The following SDR16C5 variants were observed in gnomAD, a reference collection of about 807,000 sequenced individuals.
SDR16C5 encodes the protein short chain dehydrogenase/reductase family 16C member 5.
In SDR16C5, 20 loss-of-function variants were observed where a neutral mutation model predicts 27.7. The observed-to-expected ratio is 0.72, with a 90% CI of 0.51 to 1.05. The LOEUF is 1.05. SDR16C5 is among the 50% of genes least tolerant of loss of function. The pLI is 0.00. For missense variants in SDR16C5, 374 were observed against 366.3 expected (o/e 1.02, Z -0.17); for synonymous variants, 139 against 132.3 (o/e 1.05, Z -0.35).
chr8:56,301,832 C>T (rs1487127168), intron 6 of SDR16C5, among the ~76,000 whole-genome samples: 1 of 152,188 alleles, frequency 6.6e-6, no homozygotes, highest in East Asian at 1.9e-4. Flanking sequence ...AGCATCACTC[C>T]ACTGTACAAT....
intron 1 of SDR16C5, among the ~76,000 whole-genome samples, chr8:56,318,861 G>A (rs1345384788): frequency 6.6e-6 from 1 of 152,074 alleles, no homozygotes; most frequent in Non-Finnish European, 1.5e-5. Flanking sequence ...GGTGCCTGCT[G>A]GGTACCCACA....
Position 56,306,654 on chromosome 8 carries a change from T to A in SDR16C5, c.710+22A>T, listed in dbSNP as rs191230597. 2.6e-5 allele frequency: 41 copies of A among 1,554,520 alleles called. No homozygotes were observed. The Admixed American group carries it at 8.5e-4, about 32-fold the overall frequency. ...AACATTTTTAAGAGTGTAGATTCTT[T>A]GAAATTAAAGGACATACTTACCCTG... On this transcript the variant is annotated intron_variant, in intron 5 of 6. Transcript: ENST00000303749.
chr8:56,300,225 T>C lies in SDR16C5; in HGVS notation c.*1255A>G, dbSNP rs1814716717. The stretch of plus-strand genomic sequence containing the variant: ...ATGGAAAGGAAATACAGATCAGGGC[T>C]GTCATGTTCGTGCAGGCCACTCAAG... On this transcript the variant is annotated 3_prime_UTR_variant, in exon 7 of 7. Transcript: ENST00000303749. 1 of 152,112 alleles carries C rather than the reference T, an allele frequency of 6.6e-6. No homozygotes were observed. The highest frequency in any genetic ancestry group is 1.5e-5 in the Non-Finnish European group (1 of 68,048). The allele number at this position is 152,112 out of a possible 1,614,324, so 9.4% of individuals were successfully genotyped here.
intron 1 of SDR16C5, among the ~76,000 whole-genome samples, chr8:56,319,191 G>T (rs570857425): frequency 6.6e-6 from 1 of 151,200 alleles, no homozygotes; most frequent in Non-Finnish European, 1.5e-5. Flanking sequence ...GTTGGGGAGG[G>T]GGTGCAAGAG....
chr8:56,301,598 T>C, intron 6 of SDR16C5, 25 bp from the exon 7 acceptor site: 1 of 1,529,602 alleles, frequency 6.5e-7, no homozygotes, highest in Admixed American at 1.7e-5. Flanking sequence ...AGAATAAACT[T>C]TCTTTATTAT....
At chr8:56,302,719 G>A (rs1814788603) in intron 6 of SDR16C5, among the ~76,000 whole-genome samples, 1 of 151,852 alleles carries the variant, frequency 6.6e-6, no homozygotes, top group Non-Finnish European at 1.5e-5. Context: ...GGTGGCTCAT[G>A]CTTGTAATCC....
intron 1 of SDR16C5, among the ~76,000 whole-genome samples, chr8:56,319,485 A>C (rs1815279160): frequency 6.6e-6 from 1 of 152,188 alleles, no homozygotes; most frequent in Non-Finnish European, 1.5e-5. Flanking sequence ...AATGTTACGG[A>C]GCGTATACAA....
intron 5 of SDR16C5, 87 bp downstream of exon 5, chr8:56,306,589 T>C: frequency 1.6e-6 from 2 of 1,236,726 alleles, no homozygotes; most frequent in South Asian, 1.6e-5. Flanking sequence ...GAACAATATA[T>C]TTTAAACAAC....
chr8:56,316,495 G>T (rs1416940815), intron 1 of SDR16C5, 134 bp from the exon 2 acceptor site: 30 of 628,120 alleles, frequency 4.8e-5, no homozygotes, highest in Non-Finnish European at 7.5e-5. Flanking sequence ...CCTGGTAGCA[G>T]ACTCTGTATT....
intron 6 of SDR16C5, chr8:56,303,934 A>C: frequency 1.4e-6 from 1 of 702,374 alleles, no homozygotes; most frequent in Non-Finnish European, 2.6e-6. Context: ...GAAGAAGCCA[A>C]GACCTGGAGA....
At chr8:56,314,371 T>A (rs1217697285) in intron 2 of SDR16C5, among the ~76,000 whole-genome samples, 1 of 152,136 alleles carries the variant, frequency 6.6e-6, no homozygotes, top group Non-Finnish European at 1.5e-5. Flanking sequence ...GCTAGTAATA[T>A]GACATGTTTG....
chr8:56,316,493 CAG>C (rs1475821527), intron 1 of SDR16C5, 132 bp from the exon 2 acceptor site: 2 of 630,276 alleles, frequency 3.2e-6, no homozygotes, highest in Non-Finnish European at 5.5e-6. Flanking sequence ...CTCCTGGTAG[CAG>C]ACTCTGTATT....
intron 2 of SDR16C5, among the ~76,000 whole-genome samples, chr8:56,313,852 C>T (rs555441854): frequency 2.0e-4 from 31 of 152,284 alleles, no homozygotes; most frequent in East Asian, 1.2e-3. Context: ...AGAGACAAAA[C>T]GCTGTCATAT....
chr8:56,312,046 G>T, intron 3 of SDR16C5, 111 bp downstream of exon 3: 2 of 904,978 alleles, frequency 2.2e-6, no homozygotes, highest in Non-Finnish European at 1.7e-6. Context: ...GTCCAAAACT[G>T]AGAAGTCTCT....
chr8:56,310,957 C>T (rs1465725805), intron 3 of SDR16C5, among the ~76,000 whole-genome samples: 2 of 152,186 alleles, frequency 1.3e-5, no homozygotes, highest in Non-Finnish European at 2.9e-5. Flanking sequence ...AGCACCATTA[C>T]ATTTTTGGTG....
Position 56,312,281 on chromosome 8 carries a change from T to C in SDR16C5, c.341A>G (p.Lys114Arg). ...GVYRVADQVK[K>R]EVGDVSILIN... ...TAGGATGGAAACATCGCCGACTTCTTTTTTAACCTGAATTGAATAAGAGCA... is the reference window on the plus strand; with the variant it reads ...TAGGATGGAAACATCGCCGACTTCTCTTTTAACCTGAATTGAATAAGAGCA... The change falls in exon 3 of 7, where the codon AAA becomes AGA. Residue 114 changes from lysine (K) to arginine (R), a missense_variant. Coordinates refer to ENST00000303749, the MANE Select transcript of SDR16C5 (RefSeq NM_138969.4). The C allele has an allele frequency of 6.2e-7, 1 of 1,613,860 alleles. No individual in the cohort carries two copies. The highest frequency in any genetic ancestry group is 8.5e-7 in the Non-Finnish European group (1 of 1,179,694).
chr8:56,315,674 G>C (rs994602256), intron 2 of SDR16C5, among the ~76,000 whole-genome samples: 12 of 152,158 alleles, frequency 7.9e-5, no homozygotes, highest in Non-Finnish European at 1.5e-5. Context: ...TGTAATGTTA[G>C]AAGCAGGTAC....
At chr8:56,311,507 G>A (rs1296542812) in intron 3 of SDR16C5, among the ~76,000 whole-genome samples, 1 of 152,118 alleles carries the variant, frequency 6.6e-6, no homozygotes, top group Non-Finnish European at 1.5e-5. Context: ...CATAGTGTGG[G>A]GAGGCCTGAG....
At chr8:56,310,525 C>G (rs576431492) in intron 3 of SDR16C5, among the ~76,000 whole-genome samples, 1 of 151,850 alleles carries the variant, frequency 6.6e-6, no homozygotes, top group Non-Finnish European at 1.5e-5. Context: ...GGAGACCAGC[C>G]TGGCCAACAT....
Sources: allele counts gnomAD v4.1 joint callset (sites outside exome capture counted in the v4.1 genomes callset), GRCh38; gene constraint gnomAD v4.1.1; transcripts MANE v1.5; gene names NCBI Gene and HGNC (gene_info 2026-07-23, HGNC 2026-07-21).